The following FER variants were observed in gnomAD, a reference collection of about 807,000 sequenced individuals.
FER encodes tyrosine-protein kinase Fer.
Under a neutral mutation model 111.0 loss-of-function variants are expected in FER, and 63 were observed. That is an observed-to-expected ratio of 0.57 (90% CI 0.46 to 0.70). The LOEUF (loss-of-function observed/expected upper bound fraction) is 0.70. FER is among the 30% of genes least tolerant of loss of function. The pLI, the probability that FER is intolerant of heterozygous loss-of-function variation, is 0.00. For missense variants in FER, 914 were observed against 954.0 expected, an observed-to-expected ratio of 0.96 and a Z score of 0.55; for synonymous variants, 327 against 313.9, an observed-to-expected ratio of 1.04 and a Z score of -0.44.
chr5:109,182,402 A>G (rs558004253), intron 18 of FER, among the ~76,000 whole-genome samples: 5 of 152,292 alleles, frequency 3.3e-5, no homozygotes, highest in African/African-American at 1.2e-4. Context: ...ACTATTCCTT[A>G]GAATCTAGAA....
chr5:108,841,478 A>G (rs1019465415), intron 5 of FER, among the ~76,000 whole-genome samples: 8 of 152,004 alleles, frequency 5.3e-5, no homozygotes, highest in Admixed American at 3.9e-4. Flanking sequence ...AATAAATAAT[A>G]CTCTGAGATT....
intron 16 of FER, among the ~76,000 whole-genome samples, chr5:109,092,888 A>C (rs1224116242): frequency 1.3e-5 from 2 of 152,206 alleles, no homozygotes; most frequent in Non-Finnish European, 2.9e-5. Flanking sequence ...TGGATAAAGA[A>C]AATGGGGTAT....
intron 3 of FER, among the ~76,000 whole-genome samples, chr5:108,832,159 A>G (rs1365368521): frequency 6.6e-6 from 1 of 152,204 alleles, no homozygotes; most frequent in Non-Finnish European, 1.5e-5. Context: ...TTGTTAGGAA[A>G]AGAATAGAGC....
chr5:108,825,131 T>A (rs182306405), intron 3 of FER, among the ~76,000 whole-genome samples: 100 of 152,200 alleles, frequency 6.6e-4, no homozygotes, highest in African/African-American at 2.3e-3. Context: ...CTAATGAAGT[T>A]TTGGGCACCA....
intron 16 of FER, among the ~76,000 whole-genome samples, chr5:109,087,392 G>T (rs1435729108): frequency 6.6e-6 from 1 of 151,556 alleles, no homozygotes; most frequent in Non-Finnish European, 1.5e-5. Context: ...ATATTGAGTT[G>T]GTTGATAACA....
chr5:109,007,477 C>T (rs1358309720), intron 13 of FER, among the ~76,000 whole-genome samples: 1 of 152,206 alleles, frequency 6.6e-6, no homozygotes, highest in Non-Finnish European at 1.5e-5. Context: ...GTCAACCCAG[C>T]TACTTACCCT....
intron 10 of FER, among the ~76,000 whole-genome samples, chr5:108,923,364 A>G (rs937588603): frequency 6.6e-6 from 1 of 152,068 alleles, no homozygotes; most frequent in Admixed American, 6.5e-5. Flanking sequence ...TTTTGATTGC[A>G]TCTAATTATA....
chr5:109,019,825 CTG>C (rs1483200514), intron 13 of FER, among the ~76,000 whole-genome samples: 1 of 151,700 alleles, frequency 6.6e-6, no homozygotes, highest in Non-Finnish European at 1.5e-5. Flanking sequence ...CTTTATATGT[CTG>C]TAGATATATT....
chr5:108,934,944 GAAA>G (rs1168733671), intron 10 of FER, among the ~76,000 whole-genome samples: 1 of 151,976 alleles, frequency 6.6e-6, no homozygotes, highest in African/African-American at 2.4e-5. Context: ...TGGAAAAAAA[GAAA>G]AAAGCGTATA....
At chr5:108,992,507 G>C (rs1284375657) in intron 13 of FER, among the ~76,000 whole-genome samples, 1 of 144,198 alleles carries the variant, frequency 6.9e-6, no homozygotes, top group Non-Finnish European at 1.5e-5. Flanking sequence ...GCGGGGGGCT[G>C]ACCCCCCACC....
At chr5:109,085,115 C>T (rs925950892) in intron 16 of FER, among the ~76,000 whole-genome samples, 4 of 151,750 alleles carry the variant, frequency 2.6e-5, no homozygotes, top group Non-Finnish European at 5.9e-5. Flanking sequence ...ACAAAAAAGC[C>T]TCCTGGGAAT....
intron 16 of FER, among the ~76,000 whole-genome samples, chr5:109,067,307 T>C (rs537825048): frequency 3.4e-5 from 5 of 146,708 alleles, no homozygotes; most frequent in Middle Eastern, 3.4e-3. Context: ...AGAGATTACA[T>C]AGGGGACACC....
chr5:108,993,189 G>A (rs1763486879), intron 13 of FER, among the ~76,000 whole-genome samples: 1 of 152,188 alleles, frequency 6.6e-6, no homozygotes, highest in Admixed American at 6.5e-5. Context: ...AAGGCAGGCG[G>A]CTGGGAGGTG....
intron 17 of FER, among the ~76,000 whole-genome samples, chr5:109,180,086 T>C (rs1164859965): frequency 6.6e-6 from 1 of 152,146 alleles, no homozygotes; most frequent in Non-Finnish European, 1.5e-5. Flanking sequence ...AGGGAACTCG[T>C]CCTGCATTTG....
At chr5:108,897,593 CAT>C in intron 9 of FER, 64 bp from the exon 10 acceptor site, 1 of 1,128,750 alleles carries the variant, frequency 8.9e-7, no homozygotes, top group Admixed American at 3.5e-5. Flanking sequence ...GCATAATTTA[CAT>C]ATATGAGGTT....
chr5:109,065,552 A>G (rs1254859366), intron 16 of FER, among the ~76,000 whole-genome samples: 4 of 152,208 alleles, frequency 2.6e-5, no homozygotes, highest in Admixed American at 2.0e-4. Context: ...AAGCTTATGC[A>G]TTAATATTAA....
chr5:108,860,578 C>G (rs1763420542), intron 5 of FER, among the ~76,000 whole-genome samples: 1 of 152,192 alleles, frequency 6.6e-6, no homozygotes, highest in African/African-American at 2.4e-5. Flanking sequence ...CTACATATCA[C>G]ACTTGAATTT....
chr5:108,798,026 T>G, intron 2 of FER, 98 bp from the exon 3 acceptor site: 1 of 518,912 alleles, frequency 1.9e-6, no homozygotes, highest in Middle Eastern at 5.1e-4. Flanking sequence ...TGTGTTTTTT[T>G]TTTTTAACCC....
Position 108,845,041 on chromosome 5 carries a change from CATATATAT to C in FER, c.481+9254_481+9261del, listed in dbSNP as rs1232663960. Among the ~76,000 whole-genome samples, 50 of 46,416 alleles carry C rather than the reference CATATATAT, an allele frequency of 1.1e-3. 1 individual carries two copies. The highest frequency in any genetic ancestry group is 0.017 in the Middle Eastern group (1 of 58). 30.5% of individuals were successfully genotyped at this position (46,416 alleles called of 152,430 possible). ...ATATATATATATATATATATATATACATATATATATATATATATATATATATACACACA... is the reference window on the plus strand; with the variant it reads ...ATATATATATATATATATATATATACATATATATATATATATATACACACA... On this transcript the variant is annotated intron_variant, in intron 5 of 19. Coordinates refer to ENST00000281092, the MANE Select transcript of FER (RefSeq NM_005246.4).
Sources: allele counts gnomAD v4.1 joint callset (sites outside exome capture counted in the v4.1 genomes callset), GRCh38; gene constraint gnomAD v4.1.1; transcripts MANE v1.5; gene names NCBI Gene and HGNC (gene_info 2026-07-23, HGNC 2026-07-21).